Variants in SRPK1 observed in about 807,000 individuals in gnomAD.
SRPK1 encodes SRSF protein kinase 1.
SRPK1 carries 52 observed loss-of-function variants against 89.5 expected under a neutral mutation model. The ratio of observed to expected loss-of-function variants is 0.58; its 90% confidence interval spans 0.46 to 0.73. SRPK1 has a LOEUF of 0.73. Ranked by LOEUF, SRPK1 falls within the 30% of genes least tolerant of loss-of-function variation. The pLI is 0.00. For synonymous variants in SRPK1, 255 were observed against 270.2 expected (o/e 0.94, Z 0.55); for missense variants, 603 against 780.6 (o/e 0.77, Z 2.71).
At chr6:35,902,232 CAAAAAAA>C (rs58763282) in intron 2 of SRPK1, among the ~76,000 whole-genome samples, 17 of 83,588 alleles carry the variant, frequency 2.0e-4, no homozygotes, top group African/African-American at 2.8e-4. Context: ...TCCGTCTCTA[CAAAAAAA>C]AAAAAAAAAA....
chr6:35,873,832 C>CT (rs34831961), intron 7 of SRPK1, among the ~76,000 whole-genome samples: 1,303 of 114,938 alleles, frequency 0.011, 11 homozygotes, highest in African/African-American at 0.033. Flanking sequence ...AACAAAAATT[C>CT]TTTTTTTTTT....
At chr6:35,870,028 T>C (rs1183378402) in intron 10 of SRPK1, 127 bp from the exon 11 acceptor site, 3 of 1,142,894 alleles carry the variant, frequency 2.6e-6, no homozygotes, top group Admixed American at 2.7e-5. Flanking sequence ...TGACTAAACA[T>C]CTAAAACCTA....
chr6:35,841,445 AC>A (rs1769304575), intron 14 of SRPK1, among the ~76,000 whole-genome samples: 1 of 152,226 alleles, frequency 6.6e-6, no homozygotes, highest in African/African-American at 2.4e-5. Flanking sequence ...AAAGTAAAGA[AC>A]ATGCTCTACA....
chr6:35,901,892 GA>G (rs1191789040), intron 2 of SRPK1, among the ~76,000 whole-genome samples: 1 of 152,012 alleles, frequency 6.6e-6, no homozygotes, highest in Non-Finnish European at 1.5e-5. Context: ...TCTCAACTCA[GA>G]AATCTTAAGC....
At chr6:35,843,888 C>T (rs918172943) in intron 13 of SRPK1, among the ~76,000 whole-genome samples, 8 of 151,850 alleles carry the variant, frequency 5.3e-5, no homozygotes, top group South Asian at 2.1e-4. Context: ...TTACAGTGCT[C>T]GAGAGTGTCT....
At chr6:35,873,565 C>A (rs1015899668) in intron 7 of SRPK1, among the ~76,000 whole-genome samples, 1 of 151,666 alleles carries the variant, frequency 6.6e-6, no homozygotes, top group East Asian at 1.9e-4. Context: ...TCTCAGCTCA[C>A]TGCAACCTCC....
At chr6:35,900,405 T>C (rs1038610219) in intron 2 of SRPK1, among the ~76,000 whole-genome samples, 6 of 152,228 alleles carry the variant, frequency 3.9e-5, no homozygotes, top group African/African-American at 1.2e-4. Context: ...TTAGTTTTAC[T>C]GAGTGTCTGT....
chr6:35,899,295 C>T (rs1020818942), intron 2 of SRPK1, among the ~76,000 whole-genome samples: 1 of 152,202 alleles, frequency 6.6e-6, no homozygotes, highest in Non-Finnish European at 1.5e-5. Context: ...ACCCATCTCT[C>T]TATACATATC....
At chr6:35,874,721 G>A (rs185677749) in intron 6 of SRPK1, among the ~76,000 whole-genome samples, 46 of 152,240 alleles carry the variant, frequency 3.0e-4, no homozygotes, top group Non-Finnish European at 4.9e-4. Context: ...GGTGTCCAGG[G>A]TAAAAATTCC....
chr6:35,881,360 C>G (rs983770088), intron 6 of SRPK1, among the ~76,000 whole-genome samples: 1 of 151,782 alleles, frequency 6.6e-6, no homozygotes, highest in Admixed American at 6.6e-5. Context: ...ATTTAAAAAA[C>G]CAATATGTCA....
chr6:35,867,191 G>C (rs925413896), intron 12 of SRPK1, among the ~76,000 whole-genome samples: 1 of 152,136 alleles, frequency 6.6e-6, no homozygotes, highest in Non-Finnish European at 1.5e-5. Flanking sequence ...TGATAGATGT[G>C]TTGCCAATAG....
At chr6:35,876,085 TAAAA>T (rs34493292) in intron 6 of SRPK1, among the ~76,000 whole-genome samples, 62 of 77,636 alleles carry the variant, frequency 8.0e-4, no homozygotes, top group South Asian at 3.0e-3. Context: ...ATTCTTAAAT[TAAAA>T]AAAAAAAAAA....
At position 35,916,240 on chromosome 6, in the gene SRPK1, A is replaced by AT. The variant is rs201326438; in HGVS notation, c.74+4227dup. Among the ~76,000 whole-genome samples the AT allele has an allele frequency of 6.9e-3, 1,041 of 149,878 alleles. 9 individuals carry two copies. Among genetic ancestry groups the AT allele is most frequent in the African/African-American group, 0.022 (879 of 40,252 alleles). On this transcript the variant is annotated intron_variant, in intron 2 of 15. Transcript: ENST00000373825. ...GACTCTGCCTCAAATAAATAAATAAATAAATTAATTAATTAATTAATTAAA... is the reference window on the plus strand; with the variant it reads ...GACTCTGCCTCAAATAAATAAATAAATTAAATTAATTAATTAATTAATTAAA...
At chr6:35,909,016 T>C (rs535705734) in intron 2 of SRPK1, among the ~76,000 whole-genome samples, 5 of 152,208 alleles carry the variant, frequency 3.3e-5, no homozygotes, top group Non-Finnish European at 7.3e-5. Flanking sequence ...GGAGAACCTG[T>C]GCTAGGGCCA....
chr6:35,863,711 A>G (rs1769836344), intron 12 of SRPK1, among the ~76,000 whole-genome samples: 1 of 152,060 alleles, frequency 6.6e-6, no homozygotes, highest in Admixed American at 6.6e-5. Context: ...TTTTATCAAC[A>G]CCAGACCTAT....
At chr6:35,859,144 T>G (rs1044440724) in intron 12 of SRPK1, among the ~76,000 whole-genome samples, 1 of 152,110 alleles carries the variant, frequency 6.6e-6, no homozygotes, top group Non-Finnish European at 1.5e-5. Flanking sequence ...TAGCCAAAAA[T>G]TAGATTACAT....
chr6:35,907,892 G>A (rs1197716346), intron 2 of SRPK1, among the ~76,000 whole-genome samples: 2 of 152,086 alleles, frequency 1.3e-5, no homozygotes, highest in African/African-American at 2.4e-5. Context: ...GTTCACCCAC[G>A]CTGTTCTGAT....
At chr6:35,880,934 C>A (rs1209499974) in intron 6 of SRPK1, among the ~76,000 whole-genome samples, 1 of 151,792 alleles carries the variant, frequency 6.6e-6, no homozygotes, top group Non-Finnish European at 1.5e-5. Context: ...AAGAGGGAAT[C>A]TTGAAAGCAT....
chr6:35,892,690 G>GACGACGACA (rs1445630116), intron 2 of SRPK1, among the ~76,000 whole-genome samples: 1 of 120,216 alleles, frequency 8.3e-6, no homozygotes, highest in African/African-American at 3.2e-5. Context: ...CAACAACAAC[G>GACGACGACA]ACAACAACAC....
Sources: allele counts gnomAD v4.1 joint callset (sites outside exome capture counted in the v4.1 genomes callset), GRCh38; gene constraint gnomAD v4.1.1; transcripts MANE v1.5; gene names NCBI Gene and HGNC (gene_info 2026-07-23, HGNC 2026-07-21).